Variants in HTRA1 observed in about 807,000 individuals in gnomAD.
HTRA1 encodes the protein HtrA serine peptidase 1.
Under a neutral mutation model 49.7 loss-of-function variants are expected in HTRA1, and 26 were observed. The observed-to-expected ratio is 0.52, with a 90% CI of 0.38 to 0.73. HTRA1 has a LOEUF of 0.73. HTRA1 is among the 30% of genes least tolerant of loss of function. HTRA1 has a pLI of 0.00. For missense variants in HTRA1, 561 were observed against 667.2 expected (o/e 0.84, Z 1.75); for synonymous variants, 291 against 286.9 (o/e 1.01, Z -0.14).
chr10:122,464,601 GT>G lies in HTRA1; in HGVS notation c.472+2482del, dbSNP rs1256406349. Among the ~76,000 whole-genome samples, 1 of 152,216 alleles carries G rather than the reference GT, an allele frequency of 6.6e-6. No homozygotes were observed. Among genetic ancestry groups the G allele is most frequent in the Non-Finnish European group, 1.5e-5 (1 of 68,044 alleles). On this transcript the variant is annotated intron_variant, in intron 1 of 8. Coordinates refer to ENST00000368984, the MANE Select transcript of HTRA1 (RefSeq NM_002775.5). This position sits in a 1 kb window ranked among gnomAD's most constrained non-coding sequence, Gnocchi z 4.8. ...GGTGCTTGCGATACACAGCCATTCT[GT>G]TTTTCCTTAGTGGAAGGCACTGCTT...
At position 122,506,439 on chromosome 10, in the gene HTRA1, G is replaced by A. The variant is rs1303204528; in HGVS notation, c.778-252G>A. Among the ~76,000 whole-genome samples, 4 of 152,104 alleles carry A rather than the reference G, an allele frequency of 2.6e-5. No individual in the cohort carries two copies. The highest frequency in any genetic ancestry group is 6.5e-5 in the Admixed American group (1 of 15,274). ...ACTTGGCCTCCAGTTACCTCCCCAC[G>A]GTTTCCTTGGTGTGTGTGTGGCTTC... On this transcript the variant is annotated intron_variant, in intron 3 of 8. Coordinates refer to ENST00000368984, the MANE Select transcript of HTRA1 (RefSeq NM_002775.5). This position sits in a 1 kb window ranked among gnomAD's most constrained non-coding sequence, Gnocchi z 5.2.
chr10:122,488,366 G>A (rs1185774060), intron 1 of HTRA1, among the ~76,000 whole-genome samples: 2 of 152,038 alleles, frequency 1.3e-5, no homozygotes, highest in African/African-American at 4.8e-5. Flanking sequence ...TCAGGAGTTC[G>A]AGACCAGCCT....
chr10:122,486,152 C>T (rs911706631), intron 1 of HTRA1, among the ~76,000 whole-genome samples: 1 of 152,060 alleles, frequency 6.6e-6, no homozygotes, highest in African/African-American at 2.4e-5. Flanking sequence ...GGAGGGCTTG[C>T]CCAGATCTGT....
At chr10:122,497,882 C>T (rs144137258) in intron 3 of HTRA1, among the ~76,000 whole-genome samples, 201 of 152,262 alleles carry the variant, frequency 1.3e-3, no homozygotes, top group African/African-American at 4.3e-3. Context: ...GCATCAAAGG[C>T]GCTGATGTAT....
chr10:122,471,183 C>A (rs1348157813), intron 1 of HTRA1, among the ~76,000 whole-genome samples: 3 of 152,164 alleles, frequency 2.0e-5, no homozygotes, highest in African/African-American at 7.2e-5. Flanking sequence ...CCAGTCTGAC[C>A]TTTCTCCACC....
intron 7 of HTRA1, 33 bp downstream of exon 7, chr10:122,510,186 A>G (rs373223978): frequency 3.1e-6 from 5 of 1,589,070 alleles, no homozygotes; most frequent in Non-Finnish European, 3.5e-6. Context: ...TGTGTCTTAA[A>G]TTTTAATAAA....
At chr10:122,481,324 A>G (rs2097490885) in intron 1 of HTRA1, among the ~76,000 whole-genome samples, 1 of 152,152 alleles carries the variant, frequency 6.6e-6, no homozygotes, top group African/African-American at 2.4e-5. Flanking sequence ...CCTGAACAAA[A>G]TGATTATCCA....
In HTRA1 at chr10:122,461,718, G is replaced by C. The variant is rs2097481340; in HGVS notation, c.66G>C (p.Ala22=). 7.8e-7 allele frequency: 1 copy of C among 1,283,642 alleles called. No individual in the cohort carries two copies. 79.5% of individuals were successfully genotyped at this position (1,283,642 alleles called of 1,614,324 possible). A position where few individuals can be genotyped will look rare whatever the true frequency, so the allele number is the denominator to read the frequency against. ...LLLLLAAPAS[A]QLSRAGRSAP... ...TGCTGCTGGCGGCGCCCGCCTCGGC[G>C]CAGCTGTCCCGGGCCGGCCGCTCGG... is the stretch of plus-strand genomic sequence containing the variant. The change falls in exon 1 of 9, where the codon GCG becomes GCC. Residue 22 remains alanine (A), a synonymous_variant. Transcript: ENST00000368984.
intron 3 of HTRA1, among the ~76,000 whole-genome samples, chr10:122,499,256 T>G (rs1003078722): frequency 3.9e-5 from 6 of 152,180 alleles, no homozygotes; most frequent in Non-Finnish European, 8.8e-5. Flanking sequence ...GTCCAGGGGC[T>G]GGTGGGCACA....
chr10:122,484,102 G>A (rs1210918153), intron 1 of HTRA1, among the ~76,000 whole-genome samples: 1 of 152,140 alleles, frequency 6.6e-6, no homozygotes, highest in Non-Finnish European at 1.5e-5. Flanking sequence ...CCAGCTTTCT[G>A]TTCAATTAAG....
chr10:122,507,067 C>T lies in HTRA1; in HGVS notation c.972+182C>T, dbSNP rs111581669. ...GGTCACATGGCGGGGACGGTGACAC[C>T]GGAGCAGGTGGACAGCCAGCCTCCT... is the stretch of plus-strand genomic sequence containing the variant. On this transcript the variant is annotated intron_variant, in intron 4 of 8. Coordinates refer to ENST00000368984, the MANE Select transcript of HTRA1 (RefSeq NM_002775.5). Among the ~76,000 whole-genome samples, 1,055 of 152,232 alleles carry T rather than the reference C, an allele frequency of 6.9e-3. 13 individuals carry two copies. The highest frequency in any genetic ancestry group is 0.024 in the African/African-American group (1,007 of 41,524).
intron 3 of HTRA1, among the ~76,000 whole-genome samples, chr10:122,505,911 C>T (rs1005276766): frequency 1.3e-5 from 2 of 152,204 alleles, no homozygotes; most frequent in Non-Finnish European, 2.9e-5. Context: ...CCTGGGTGAC[C>T]CTGGAGCTGG....
At position 122,487,288 on chromosome 10, in the gene HTRA1, C is replaced by T. The variant is rs2097493506; in HGVS notation, c.473-1614C>T. ...AGCTGCAGACCAGCCTGGAACCTCTCCAGCCTGCTTTAGCAGAGACTTGTT... is the reference window on the plus strand; with the variant it reads ...AGCTGCAGACCAGCCTGGAACCTCTTCAGCCTGCTTTAGCAGAGACTTGTT... On this transcript the variant is annotated intron_variant, in intron 1 of 8. Transcript: ENST00000368984. This position sits in a 1 kb window ranked among gnomAD's most constrained non-coding sequence, Gnocchi z 4.8. 6.6e-6 allele frequency among the ~76,000 whole-genome samples: 1 copy of T among 152,172 alleles called. No homozygotes were observed. Among genetic ancestry groups the T allele is most frequent in the Non-Finnish European group, 1.5e-5 (1 of 68,044 alleles).
chr10:122,500,362 T>G (rs1197898478), intron 3 of HTRA1, among the ~76,000 whole-genome samples: 1 of 152,232 alleles, frequency 6.6e-6, no homozygotes, highest in East Asian at 1.9e-4. Context: ...AACTATTGTC[T>G]GCTAATGGAT....
rs1199033479 is a variant in HTRA1, at chr10:122,489,619, A to C, written c.770A>C (p.Asp257Ala). The C allele has an allele frequency of 3.7e-6, 6 of 1,613,330 alleles. No individual in the cohort carries two copies. The highest frequency in any genetic ancestry group is 8.5e-7 in the Non-Finnish European group (1 of 1,179,900). The change falls in exon 3 of 9, where the codon GAC (aspartate) becomes GCC (alanine). Residue 257 changes from aspartate (D) to alanine (A), a missense_variant. Transcript: ENST00000368984. ...EKADIALIKI[D>A]HQGKLPVLLL... is the part of the protein sequence containing the mutation. ...GCAGACATCGCACTCATCAAAATTG[A>C]CCACCAGGTAAGGGTGTTCTCGCCT... is the stretch of plus-strand genomic sequence containing the variant.
chr10:122,510,258 C>T (rs1439314928), intron 7 of HTRA1, 105 bp downstream of exon 7: 25 of 883,510 alleles, frequency 2.8e-5, no homozygotes, highest in East Asian at 4.9e-5. Context: ...TGCCTTAAGA[C>T]GTCTCAGTTT....
chr10:122,503,087 C>T (rs932122295), intron 3 of HTRA1, among the ~76,000 whole-genome samples: 3 of 152,210 alleles, frequency 2.0e-5, no homozygotes, highest in Admixed American at 6.5e-5. Flanking sequence ...TGGCCGGTGC[C>T]GCTTTAAAGG....
intron 3 of HTRA1, among the ~76,000 whole-genome samples, chr10:122,496,033 G>A (rs772906169): frequency 3.1e-4 from 47 of 152,192 alleles, no homozygotes; most frequent in Non-Finnish European, 5.7e-4. Flanking sequence ...AAAAATATTT[G>A]CTTCCTGGCC....
chr10:122,486,788 G>A (rs932928885), intron 1 of HTRA1, among the ~76,000 whole-genome samples: 1 of 152,026 alleles, frequency 6.6e-6, no homozygotes, highest in Non-Finnish European at 1.5e-5. Flanking sequence ...GCATTTGCAT[G>A]TATATATGTG....
Sources: allele counts gnomAD v4.1 joint callset (sites outside exome capture counted in the v4.1 genomes callset), GRCh38; gene constraint gnomAD v4.1.1; non-coding constraint Gnocchi (gnomAD v3.1); transcripts MANE v1.5; gene names NCBI Gene and HGNC (gene_info 2026-07-23, HGNC 2026-07-21).